The following OPCML variants were observed in gnomAD, a reference collection of about 807,000 sequenced individuals.
OPCML encodes opioid binding protein/cell adhesion molecule like.
OPCML carries 13 observed loss-of-function variants against 37.8 expected under a neutral mutation model. That is an observed-to-expected ratio of 0.34 (90% CI 0.22 to 0.55). The LOEUF (loss-of-function observed/expected upper bound fraction) is 0.55, where lower values mean the gene tolerates loss of function less well. Ranked by LOEUF, OPCML falls within the 20% of genes least tolerant of loss-of-function variation. The pLI, the probability that OPCML is intolerant of heterozygous loss-of-function variation, is 0.91. For missense variants in OPCML, 341 were observed against 435.6 expected (o/e 0.78, Z 1.93); for synonymous variants, 176 against 168.8 (o/e 1.04, Z -0.33).
chr11:132,449,201 G>A (rs550662475), intron 4 of OPCML, among the ~76,000 whole-genome samples: 4 of 152,282 alleles, frequency 2.6e-5, no homozygotes, highest in African/African-American at 9.6e-5. Context: ...TTAGCTGCTT[G>A]GTGATGGGGA....
chr11:132,497,238 CGGAGTGG>C (rs980522995), intron 4 of OPCML, among the ~76,000 whole-genome samples: 31 of 151,860 alleles, frequency 2.0e-4, no homozygotes, highest in Middle Eastern at 3.4e-3. Flanking sequence ...TGGGGCCTGT[CGGAGTGG>C]GGAGTGGGGA....
intron 1 of OPCML, chr11:133,025,480 T>C (rs780445230): frequency 4.1e-6 from 4 of 985,394 alleles, no homozygotes; most frequent in Middle Eastern, 5.2e-4. Flanking sequence ...AACTATTTGG[T>C]AATCTAGTCA....
intron 2 of OPCML, among the ~76,000 whole-genome samples, chr11:132,724,616 T>C (rs1392489906): frequency 5.3e-5 from 8 of 152,140 alleles, no homozygotes; most frequent in Non-Finnish European, 1.2e-4. Context: ...CCCAAGAGTT[T>C]CTCAAAGTCT....
intron 1 of OPCML, among the ~76,000 whole-genome samples, chr11:133,272,274 A>T (rs1941863088): frequency 1.3e-5 from 2 of 151,814 alleles, no homozygotes; most frequent in East Asian, 3.9e-4. Context: ...AAAAAAGAAA[A>T]CTGAAAGATA....
intron 1 of OPCML, among the ~76,000 whole-genome samples, chr11:133,073,099 A>C (rs1169348601): frequency 3.3e-5 from 5 of 152,154 alleles, no homozygotes; most frequent in Non-Finnish European, 5.9e-5. Flanking sequence ...GGTACGATAC[A>C]CCTCAGAATT....
In OPCML at chr11:133,199,105, C is replaced by T. The variant is rs78578108; in HGVS notation, c.62-256095G>A. Among the ~76,000 whole-genome samples the T allele has an allele frequency of 5.4e-3, 828 of 152,034 alleles. 8 individuals carry two copies. Among genetic ancestry groups the T allele is most frequent in the African/African-American group, 0.018 (744 of 41,478 alleles). ...TGTTAAGCTGGCTAACTGTAAACAA[C>T]GGGGGGCTCTAGTTCACACAGACAT... On this transcript the variant is annotated intron_variant, in intron 1 of 7. Transcript: ENST00000524381.
intron 2 of OPCML, among the ~76,000 whole-genome samples, chr11:132,895,726 T>C (rs1943813305): frequency 6.6e-6 from 1 of 152,148 alleles, no homozygotes; most frequent in Non-Finnish European, 1.5e-5. Flanking sequence ...GAGTTAACCC[T>C]GCATTGTCTA....
chr11:133,136,355 C>A (rs1233917923), intron 1 of OPCML, among the ~76,000 whole-genome samples: 1 of 131,938 alleles, frequency 7.6e-6, no homozygotes, highest in Non-Finnish European at 1.6e-5. Context: ...GCAGAAGGAG[C>A]TTTTAGTGCA....
intron 4 of OPCML, among the ~76,000 whole-genome samples, chr11:132,446,130 T>TTTTTTTTTGGTTG (rs2096054346): frequency 6.9e-6 from 1 of 145,812 alleles, no homozygotes; most frequent in African/African-American, 2.6e-5. Context: ...TTTTTTTTTT[T>TTTTTTTTTGGTTG]GAGATGGGTT....
chr11:133,140,955 A>AGACGAAGAC (rs1182649151), intron 1 of OPCML, among the ~76,000 whole-genome samples: 1 of 1,984 alleles, frequency 5.0e-4, no homozygotes, highest in African/African-American at 7.6e-4. Flanking sequence ...ACGACGAAGA[A>AGACGAAGAC]GAAGAAGAAG....
At chr11:132,507,715 C>T (rs1275904716) in intron 4 of OPCML, among the ~76,000 whole-genome samples, 1 of 151,560 alleles carries the variant, frequency 6.6e-6, no homozygotes, top group Non-Finnish European at 1.5e-5. Context: ...TTAAACAATT[C>T]ATAGTTCAAA....
intron 2 of OPCML, among the ~76,000 whole-genome samples, chr11:132,767,027 T>TTATC (rs918787287): frequency 1.1e-4 from 17 of 152,126 alleles, no homozygotes; most frequent in Admixed American, 2.0e-4. Flanking sequence ...TTATCTATGT[T>TTATC]TATCTATCTA....
chr11:132,595,589 G>C (rs2096491221), intron 3 of OPCML, among the ~76,000 whole-genome samples: 1 of 152,166 alleles, frequency 6.6e-6, no homozygotes, highest in Non-Finnish European at 1.5e-5. Context: ...AAAGGCATCT[G>C]GGGGAGATGG....
At chr11:132,678,825 C>T (rs1942820660) in intron 2 of OPCML, among the ~76,000 whole-genome samples, 1 of 152,048 alleles carries the variant, frequency 6.6e-6, no homozygotes, top group African/African-American at 2.4e-5. Flanking sequence ...ACACATTTGT[C>T]TAAAACTATG....
In OPCML at chr11:133,042,010, G is replaced by A. The variant is rs140260706; in HGVS notation, c.62-99000C>T. On this transcript the variant is annotated intron_variant, in intron 1 of 7. Coordinates refer to ENST00000524381, the MANE Select transcript of OPCML (RefSeq NM_001012393.5). Reference sequence around the variant, plus strand: ...AAACGACCTTTCCATCCCCCTCATCGAATGCATCACTCAGCATGCCGTGCA... The same window carrying A: ...AAACGACCTTTCCATCCCCCTCATCAAATGCATCACTCAGCATGCCGTGCA... Among the ~76,000 whole-genome samples the A allele has an allele frequency of 2.1e-3, 313 of 152,186 alleles. 1 individual carries two copies. Among genetic ancestry groups the A allele is most frequent in the South Asian group, 4.4e-3 (21 of 4,814 alleles).
chr11:133,445,211 G>A (rs546137488), intron 1 of OPCML, among the ~76,000 whole-genome samples: 2 of 151,548 alleles, frequency 1.3e-5, no homozygotes, highest in East Asian at 3.9e-4. Context: ...ATGGTGGATG[G>A]AGACCACCAT....
intron 1 of OPCML, among the ~76,000 whole-genome samples, chr11:133,501,709 C>T (rs1330157486): frequency 4.7e-5 from 7 of 150,382 alleles, no homozygotes; most frequent in African/African-American, 7.4e-5. Context: ...GGGCTTCAAA[C>T]GACCTGAGCC....
chr11:133,047,624 G>A (rs758838647), intron 1 of OPCML, among the ~76,000 whole-genome samples: 9 of 152,184 alleles, frequency 5.9e-5, no homozygotes, highest in African/African-American at 9.6e-5. Context: ...ACTGCTGGCC[G>A]TGGGTCACTG....
At chr11:132,833,690 A>C (rs4937729) in intron 2 of OPCML, among the ~76,000 whole-genome samples, 54,625 of 152,110 alleles carry the variant, frequency 0.36, 11,133 homozygotes, top group Non-Finnish European at 0.47. Context: ...CAAAAATGGG[A>C]GTGGTGTGTT....
Sources: allele counts gnomAD v4.1 joint callset (sites outside exome capture counted in the v4.1 genomes callset), GRCh38; gene constraint gnomAD v4.1.1; transcripts MANE v1.5; gene names NCBI Gene and HGNC (gene_info 2026-07-23, HGNC 2026-07-21).